Variants in NTNG1 observed in about 807,000 individuals in gnomAD.
The protein encoded by NTNG1 is netrin-G1.
NTNG1 carries 16 observed loss-of-function variants against 54.0 expected under a neutral mutation model. The ratio of observed to expected loss-of-function variants is 0.30; its 90% confidence interval spans 0.20 to 0.45. NTNG1 has a LOEUF of 0.45. Ranked by LOEUF, NTNG1 falls within the 20% of genes least tolerant of loss-of-function variation. The probability of loss-of-function intolerance (pLI) is 1.00; values close to 1 mark genes in which losing one functional copy is unlikely to be tolerated. For synonymous variants in NTNG1, 255 were observed against 263.1 expected, an observed-to-expected ratio of 0.97 and a Z score of 0.30; for missense variants, 530 against 678.7, an observed-to-expected ratio of 0.78 and a Z score of 2.43.
At chr1:107,173,627 G>C (rs186367882) in intron 2 of NTNG1, among the ~76,000 whole-genome samples, 9 of 152,202 alleles carry the variant, frequency 5.9e-5, no homozygotes, top group Admixed American at 1.3e-4. Flanking sequence ...TCTGGTGAAA[G>C]GAGTGTGAGG....
chr1:107,416,397 G>GTTAGATACACAAT (rs1674207099), intron 5 of NTNG1, among the ~76,000 whole-genome samples: 1 of 151,976 alleles, frequency 6.6e-6, no homozygotes, highest in East Asian at 1.9e-4. Flanking sequence ...CAATACAGAA[G>GTTAGATACACAAT]ACAATTATAT....
intron 5 of NTNG1, among the ~76,000 whole-genome samples, chr1:107,419,457 G>GATTA (rs1409921740): frequency 6.6e-6 from 1 of 151,662 alleles, no homozygotes; most frequent in Non-Finnish European, 1.5e-5. Flanking sequence ...ACAGAAATGT[G>GATTA]ATTACGCAGG....
intron 2 of NTNG1, among the ~76,000 whole-genome samples, chr1:107,285,313 A>G (rs1665116739): frequency 6.6e-6 from 1 of 152,136 alleles, no homozygotes; most frequent in Non-Finnish European, 1.5e-5. Context: ...CAGATGTTGG[A>G]TTACATGGTT....
intron 2 of NTNG1, among the ~76,000 whole-genome samples, chr1:107,270,128 G>C (rs1371940746): frequency 6.6e-6 from 1 of 152,188 alleles, no homozygotes; most frequent in Non-Finnish European, 1.5e-5. Flanking sequence ...TAAACAGAAA[G>C]ACAGATGTAA....
At chr1:107,455,847 A>T (rs945453164) in intron 7 of NTNG1, among the ~76,000 whole-genome samples, 1 of 152,214 alleles carries the variant, frequency 6.6e-6, no homozygotes, top group Non-Finnish European at 1.5e-5. Flanking sequence ...CCAGTAGCAG[A>T]CACCCTGTCT....
At chr1:107,235,935 A>T (rs186194883) in intron 2 of NTNG1, among the ~76,000 whole-genome samples, 7 of 152,192 alleles carry the variant, frequency 4.6e-5, no homozygotes, top group Non-Finnish European at 1.0e-4. Context: ...CCTCTCTCAC[A>T]CTCTGCCCCC....
chr1:107,349,518 T>C (rs998146377), intron 3 of NTNG1, among the ~76,000 whole-genome samples: 1 of 152,176 alleles, frequency 6.6e-6, no homozygotes, highest in Non-Finnish European at 1.5e-5. Flanking sequence ...CAATATTGTT[T>C]AAATCCCTTA....
intron 2 of NTNG1, among the ~76,000 whole-genome samples, chr1:107,171,348 T>G (rs1490947819): frequency 6.6e-6 from 1 of 152,184 alleles, no homozygotes. Context: ...ATGTCCATTC[T>G]ATACTAGCTC....
rs2101617691 is a variant in NTNG1 at position 107,480,521 on chromosome 1, G to T, written c.1391-90G>T. 6 of 787,020 alleles carry T rather than the reference G, an allele frequency of 7.6e-6. No individual in the cohort carries two copies. The Admixed American group carries it at 1.7e-4, about 22-fold the overall frequency. 48.8% of individuals were successfully genotyped at this position (787,020 alleles called of 1,614,324 possible). On this transcript the variant is annotated intron_variant, in intron 7 of 7. Coordinates refer to ENST00000370068, the MANE Select transcript of NTNG1 (RefSeq NM_001113226.3). ...AGATCGATAGAGATTTTTTTTTTAG[G>T]CTGAAAACATGATGTACCAGATGAA...
intron 3 of NTNG1, among the ~76,000 whole-genome samples, chr1:107,388,947 A>G (rs1372905608): frequency 1.4e-5 from 2 of 146,954 alleles, no homozygotes; most frequent in African/African-American, 2.5e-5. Flanking sequence ...ACGTTCTCTA[A>G]AAGCATTTGT....
rs547280541 is a variant in NTNG1, at chr1:107,149,809, C to T, written c.246+970C>T. 5.9e-5 allele frequency among the ~76,000 whole-genome samples: 9 copies of T among 151,592 alleles called. No homozygotes were observed. The South Asian group carries it at 1.2e-3, about 21-fold the overall frequency. On this transcript the variant is annotated intron_variant, in intron 2 of 7. Coordinates refer to ENST00000370068, the MANE Select transcript of NTNG1 (RefSeq NM_001113226.3). ...TGGTTTTTATTTGATAGAAGAACTG[C>T]GATCCTGTTTTTCTCCACATAACAG...
intron 3 of NTNG1, among the ~76,000 whole-genome samples, chr1:107,362,629 C>T (rs1171715952): frequency 4.6e-5 from 7 of 152,176 alleles, no homozygotes; most frequent in Admixed American, 4.6e-4. Context: ...TCAGTGTCCA[C>T]TGCTTGATGA....
chr1:107,220,350 C>G (rs1660259723), intron 2 of NTNG1, among the ~76,000 whole-genome samples: 1 of 152,224 alleles, frequency 6.6e-6, no homozygotes, highest in African/African-American at 2.4e-5. Flanking sequence ...TCTCAGCTTT[C>G]CTGGTATGTT....
At chr1:107,362,702 T>A (rs867681780) in intron 3 of NTNG1, among the ~76,000 whole-genome samples, 1 of 152,016 alleles carries the variant, frequency 6.6e-6, no homozygotes, top group African/African-American at 2.4e-5. Context: ...AAATCCAGAG[T>A]TGCTGTGAAA....
chr1:107,443,923 G>C (rs1676140395), intron 7 of NTNG1, among the ~76,000 whole-genome samples: 1 of 152,096 alleles, frequency 6.6e-6, no homozygotes, highest in Non-Finnish European at 1.5e-5. Flanking sequence ...TGTTACTGTG[G>C]TACGACTCCT....
chr1:107,298,413 T>C (rs566311471), intron 2 of NTNG1, among the ~76,000 whole-genome samples: 207 of 152,176 alleles, frequency 1.4e-3, no homozygotes, highest in African/African-American at 4.7e-3. Flanking sequence ...ATTTCTGGGG[T>C]GAGGACAAGG....
intron 2 of NTNG1, among the ~76,000 whole-genome samples, chr1:107,305,609 T>TA (rs1354688873): frequency 6.6e-6 from 1 of 152,212 alleles, no homozygotes; most frequent in African/African-American, 2.4e-5. Flanking sequence ...TAAATTTGTT[T>TA]AAGTTCTTTG....
chr1:107,292,913 G>A (rs1300195100), intron 2 of NTNG1, among the ~76,000 whole-genome samples: 1 of 151,996 alleles, frequency 6.6e-6, no homozygotes, highest in African/African-American at 2.4e-5. Flanking sequence ...CCTTTTGTTC[G>A]TGCTCTAAAA....
At chr1:107,295,465 T>C (rs141403380) in intron 2 of NTNG1, among the ~76,000 whole-genome samples, 9 of 152,320 alleles carry the variant, frequency 5.9e-5, no homozygotes, top group African/African-American at 1.9e-4. Context: ...TCATGGCTTA[T>C]GCAATTGACA....
Sources: gnomAD v4.1 joint callset for allele counts (sites outside exome capture counted in the v4.1 genomes callset) on GRCh38, gnomAD v4.1.1 for gene constraint, MANE v1.5 for transcripts, NCBI Gene and HGNC (gene_info 2026-07-23, HGNC 2026-07-21) for gene names.